Variants in EPM2A observed in about 807,000 individuals in gnomAD.
EPM2A encodes laforin.
EPM2A carries 21 observed loss-of-function variants against 26.5 expected under a neutral mutation model. That is an observed-to-expected ratio of 0.79 (90% CI 0.56 to 1.14). The LOEUF is 1.14. Ranked by LOEUF, EPM2A falls within the 50% of genes most tolerant of loss-of-function variation. EPM2A has a pLI of 0.00. For missense variants in EPM2A, 458 were observed against 440.8 expected, an observed-to-expected ratio of 1.04 and a Z score of -0.35; for synonymous variants, 217 against 177.6, an observed-to-expected ratio of 1.22 and a Z score of -1.76.
chr6:145,698,846 A>G (rs1377983556), intron 1 of EPM2A, among the ~76,000 whole-genome samples: 1 of 152,130 alleles, frequency 6.6e-6, no homozygotes, highest in Non-Finnish European at 1.5e-5. Context: ...AGGAAAAAAC[A>G]CCAGAGATCT....
chr6:145,582,683 A>G (rs1781131757), intron 2 of EPM2A, among the ~76,000 whole-genome samples: 1 of 152,192 alleles, frequency 6.6e-6, no homozygotes, highest in South Asian at 2.1e-4. Flanking sequence ...GGGTTTCCCG[A>G]ATTCAAATGT....
chr6:145,492,769 A>G (rs892912035), intron 4 of EPM2A, among the ~76,000 whole-genome samples: 1 of 152,112 alleles, frequency 6.6e-6, no homozygotes, highest in Non-Finnish European at 1.5e-5. Flanking sequence ...TCTGATGTCA[A>G]ACCACAGTCT....
chr6:145,597,469 T>TTA (rs201038806), intron 2 of EPM2A, among the ~76,000 whole-genome samples: 8 of 145,448 alleles, frequency 5.5e-5, no homozygotes, highest in South Asian at 2.2e-4. Context: ...ACCTGTTTAT[T>TTA]TTTTTTTCTT....
chr6:145,571,175 T>C (rs900551676), intron 2 of EPM2A, among the ~76,000 whole-genome samples: 3 of 131,150 alleles, frequency 2.3e-5, no homozygotes, highest in Non-Finnish European at 5.3e-5. Context: ...GAATCCTGGC[T>C]ATGGGAGAAA....
chr6:145,465,830 G>A (rs1041999188), intron 4 of EPM2A, among the ~76,000 whole-genome samples: 1 of 151,926 alleles, frequency 6.6e-6, no homozygotes, highest in East Asian at 1.9e-4. Flanking sequence ...CAGAAATAAC[G>A]CCGCATATCT....
chr6:145,441,373 G>T (rs1365496601), intron 4 of EPM2A, among the ~76,000 whole-genome samples: 1 of 152,182 alleles, frequency 6.6e-6, no homozygotes, highest in African/African-American at 2.4e-5. Flanking sequence ...GTCTGTGATG[G>T]CAGGGACTGC....
chr6:145,511,063 C>T (rs957988801), intron 2 of EPM2A, among the ~76,000 whole-genome samples: 1 of 152,000 alleles, frequency 6.6e-6, no homozygotes, highest in African/African-American at 2.4e-5. Context: ...AAATCCAGAA[C>T]ACACCAATAA....
intron 2 of EPM2A, among the ~76,000 whole-genome samples, chr6:145,537,364 C>A (rs1780445973): frequency 6.6e-6 from 1 of 152,144 alleles, no homozygotes. Flanking sequence ...CCTGTGCTTT[C>A]CAGCCTGTCT....
chr6:145,398,832 C>T (rs1778442616), intron 4 of EPM2A, among the ~76,000 whole-genome samples: 1 of 126,064 alleles, frequency 7.9e-6, no homozygotes, highest in Non-Finnish European at 1.8e-5. Context: ...TGCATTCCAG[C>T]CTGGGTGACA....
intron 2 of EPM2A, among the ~76,000 whole-genome samples, chr6:145,516,430 G>A (rs1780128514): frequency 6.6e-6 from 1 of 152,178 alleles, no homozygotes. Flanking sequence ...TCAATGCCTA[G>A]TGATTAAATT....
intron 2 of EPM2A, among the ~76,000 whole-genome samples, chr6:145,565,518 T>C (rs1356965651): frequency 6.6e-6 from 1 of 152,208 alleles, no homozygotes; most frequent in Non-Finnish European, 1.5e-5. Flanking sequence ...CTTGCTTCTC[T>C]GCCTCACAGC....
intron 4 of EPM2A, among the ~76,000 whole-genome samples, chr6:145,466,654 A>G (rs1779398298): frequency 6.6e-6 from 1 of 152,174 alleles, no homozygotes. Context: ...TATATACCCA[A>G]AGGACTATAA....
Position 145,627,591 on chromosome 6 carries a change from G to A in EPM2A, c.821C>T (p.Thr274Ile). 6.2e-7 allele frequency: 1 copy of A among 1,614,246 alleles called. No homozygotes were observed. Among genetic ancestry groups the A allele is most frequent in the Non-Finnish European group, 8.5e-7 (1 of 1,180,046 alleles). The change falls in exon 4 of 4, where the codon ACC (threonine) becomes ATC (isoleucine). Residue 274 changes from threonine to isoleucine, a missense_variant. Physicochemically the swap from Thr to Ile is moderately conservative, Grantham distance 89. Coordinates refer to ENST00000367519, the MANE Select transcript of EPM2A (RefSeq NM_005670.4). ...VHCNAGVGRS[T>I]AAVCGWLQYV... ...CTGGAGCCAGCCGCAGACAGCCGCG[G>A]TGGAGCGGCCCACCCCAGCGTTGCA... is the stretch of plus-strand genomic sequence containing the variant.
intron 2 of EPM2A, among the ~76,000 whole-genome samples, chr6:145,667,687 T>C (rs1022714320): frequency 1.4e-5 from 2 of 146,480 alleles, no homozygotes; most frequent in African/African-American, 5.3e-5. Flanking sequence ...GGACTATAAA[T>C]CATGCTGCTA....
Position 145,625,859 on chromosome 6 carries a change from T to C in EPM2A, c.*1557A>G, listed in dbSNP as rs1452274119. The C allele has an allele frequency of 6.6e-7, 1 of 1,515,926 alleles. No individual in the cohort carries two copies. Among genetic ancestry groups the C allele is most frequent in the Non-Finnish European group, 8.9e-7 (1 of 1,128,886 alleles). 93.9% of individuals were successfully genotyped at this position (1,515,926 alleles called of 1,614,324 possible). On this transcript the variant is annotated 3_prime_UTR_variant, in exon 4 of 4. Coordinates refer to ENST00000367519, the MANE Select transcript of EPM2A (RefSeq NM_005670.4). Reference sequence around the variant, plus strand: ...AATAAGAGTCTCTTGCATCTATCAATATGTGTTTGTGGAAGAAAGGAAGGT... The same window carrying C: ...AATAAGAGTCTCTTGCATCTATCAACATGTGTTTGTGGAAGAAAGGAAGGT...
At chr6:145,505,714 A>G (rs1779963147) in intron 2 of EPM2A, among the ~76,000 whole-genome samples, 1 of 152,196 alleles carries the variant, frequency 6.6e-6, no homozygotes, top group Non-Finnish European at 1.5e-5. Flanking sequence ...AATGAGATTC[A>G]GTCAATACCA....
At chr6:145,443,848 A>G (rs1779098244) in intron 4 of EPM2A, among the ~76,000 whole-genome samples, 1 of 152,100 alleles carries the variant, frequency 6.6e-6, no homozygotes, top group East Asian at 1.9e-4. Flanking sequence ...GATGGTTTTA[A>G]AAACAGGGGT....
At chr6:145,420,304 C>A (rs571042218) in intron 4 of EPM2A, among the ~76,000 whole-genome samples, 4 of 152,080 alleles carry the variant, frequency 2.6e-5, no homozygotes, top group African/African-American at 4.8e-5. Flanking sequence ...TGGAATATAC[C>A]CATATGCTTA....
chr6:145,433,977 T>C (rs577124172), intron 4 of EPM2A, among the ~76,000 whole-genome samples: 5 of 152,266 alleles, frequency 3.3e-5, no homozygotes, highest in African/African-American at 7.2e-5. Context: ...TGATTATTAG[T>C]ATTTGTTATT....
Sources: allele counts gnomAD v4.1 joint callset (sites outside exome capture counted in the v4.1 genomes callset), GRCh38; gene constraint gnomAD v4.1.1; transcripts MANE v1.5; gene names NCBI Gene and HGNC (gene_info 2026-07-23, HGNC 2026-07-21).